Variants in ADAM22 observed in about 807,000 individuals in gnomAD.
ADAM22 encodes the protein disintegrin and metalloproteinase domain-containing protein 22.
ADAM22 carries 65 observed loss-of-function variants against 144.6 expected under a neutral mutation model. That is an observed-to-expected ratio of 0.45 (90% CI 0.37 to 0.55). ADAM22 has a LOEUF of 0.55. ADAM22 is among the 20% of genes least tolerant of loss of function. The pLI, the probability that ADAM22 is intolerant of heterozygous loss-of-function variation, is 0.00. For missense variants in ADAM22, 974 were observed against 1,184.9 expected (o/e 0.82, Z 2.61); for synonymous variants, 391 against 412.6 (o/e 0.95, Z 0.63).
chr7:87,955,013 G>A (rs1169657979), intron 2 of ADAM22, among the ~76,000 whole-genome samples: 1 of 151,974 alleles, frequency 6.6e-6, no homozygotes, highest in East Asian at 1.9e-4. Context: ...TCTCTGTATT[G>A]GTTATTCTAG....
chr7:88,099,116 G>C (rs1822227695), intron 4 of ADAM22, among the ~76,000 whole-genome samples: 1 of 152,202 alleles, frequency 6.6e-6, no homozygotes, highest in African/African-American at 2.4e-5. Context: ...CAGGAAAATG[G>C]AAAAGTGGTA....
chr7:87,967,859 G>C (rs1688901), intron 2 of ADAM22, among the ~76,000 whole-genome samples: 77,633 of 146,918 alleles, frequency 0.53, 20,543 homozygotes, highest in Non-Finnish European at 0.54. Context: ...TTGTGACAAA[G>C]TGTGCCAAGG....
chr7:88,170,806 G>A (rs1454868367), intron 25 of ADAM22, among the ~76,000 whole-genome samples: 1 of 151,934 alleles, frequency 6.6e-6, no homozygotes, highest in East Asian at 1.9e-4. Context: ...TGTCAAGATA[G>A]AAAGTTAGCA....
At chr7:87,968,434 A>G (rs1177803033) in intron 2 of ADAM22, among the ~76,000 whole-genome samples, 1 of 152,194 alleles carries the variant, frequency 6.6e-6, no homozygotes, top group African/African-American at 2.4e-5. Context: ...ACGAATCAGG[A>G]GACTGAGGTA....
chr7:88,191,816 C>T (rs573242403), intron 30 of ADAM22, among the ~76,000 whole-genome samples: 2 of 152,250 alleles, frequency 1.3e-5, no homozygotes, highest in African/African-American at 4.8e-5. Context: ...ATAGGAGTTA[C>T]AGATTAAAAG....
chr7:88,131,598 G>T, intron 11 of ADAM22, 163 bp downstream of exon 11: 4 of 600,050 alleles, frequency 6.7e-6, no homozygotes, highest in South Asian at 2.6e-5. Flanking sequence ...GCTTAAAATT[G>T]CCATGAAAAT....
intron 30 of ADAM22, among the ~76,000 whole-genome samples, chr7:88,190,149 C>T (rs1429033013): frequency 2.0e-5 from 3 of 152,166 alleles, no homozygotes; most frequent in Non-Finnish European, 2.9e-5. Context: ...TTTGATGTAG[C>T]CCCAAGAGGC....
At chr7:87,937,330 A>T (rs540371910) in intron 2 of ADAM22, among the ~76,000 whole-genome samples, 142 of 151,976 alleles carry the variant, frequency 9.3e-4, no homozygotes, top group African/African-American at 3.3e-3. Flanking sequence ...TTCCCCTTGC[A>T]ATTTTTTCAG....
At chr7:87,944,979 A>T (rs1843327371) in intron 2 of ADAM22, among the ~76,000 whole-genome samples, 5 of 121,902 alleles carry the variant, frequency 4.1e-5, no homozygotes, top group African/African-American at 3.6e-5. Flanking sequence ...CTCTTTCTTT[A>T]CCTTCTTGTC....
At chr7:88,110,205 A>G (rs955776767) in intron 5 of ADAM22, among the ~76,000 whole-genome samples, 1 of 152,210 alleles carries the variant, frequency 6.6e-6, no homozygotes, top group Non-Finnish European at 1.5e-5. Context: ...ATTAGGAAAA[A>G]GAAACATTGA....
chr7:88,007,170 A>G (rs1794124626), intron 3 of ADAM22, among the ~76,000 whole-genome samples: 2 of 152,226 alleles, frequency 1.3e-5, no homozygotes, highest in Non-Finnish European at 2.9e-5. Context: ...AGAATGAGAT[A>G]CTTAGGAATC....
At position 88,090,543 on chromosome 7, in the gene ADAM22, T is replaced by C. The variant is rs376760563; in HGVS notation, c.390+14851T>C. 2.0e-5 allele frequency among the ~76,000 whole-genome samples: 3 copies of C among 152,216 alleles called. No homozygotes were observed. The South Asian group carries it at 6.2e-4, about 31-fold the overall frequency. ...AAATGACTTTAAAAATATTTATCAA[T>C]ACATCTTCATACATGAATATTTAGT... On this transcript the variant is annotated intron_variant, in intron 4 of 31. Coordinates refer to ENST00000413139, the MANE Select transcript of ADAM22 (RefSeq NM_001324418.2).
chr7:88,035,493 T>C (rs1054845585), intron 3 of ADAM22, among the ~76,000 whole-genome samples: 2 of 152,216 alleles, frequency 1.3e-5, no homozygotes, highest in Admixed American at 1.3e-4. Context: ...CAATGTATTA[T>C]GTATACAGTT....
chr7:88,134,612 C>G (rs1272728647), intron 13 of ADAM22, among the ~76,000 whole-genome samples, 193 bp downstream of exon 13: 1 of 152,240 alleles, frequency 6.6e-6, no homozygotes, highest in East Asian at 1.9e-4. Context: ...GTGGAAATTT[C>G]TATGACTATA....
chr7:88,195,433 A>G (rs1320004129), intron 31 of ADAM22, among the ~76,000 whole-genome samples: 2 of 152,202 alleles, frequency 1.3e-5, no homozygotes, highest in Non-Finnish European at 2.9e-5. Flanking sequence ...GAGGGACAGA[A>G]TGAATGAAGG....
At chr7:88,196,136 G>T (rs1460346303) in intron 31 of ADAM22, among the ~76,000 whole-genome samples, 1 of 152,134 alleles carries the variant, frequency 6.6e-6, no homozygotes, top group Non-Finnish European at 1.5e-5. Context: ...GAAAGGAAGG[G>T]CATGTGTAGC....
At chr7:88,163,261 A>C (rs1842178417) in intron 23 of ADAM22, 81 bp downstream of exon 23, 8 of 1,179,716 alleles carry the variant, frequency 6.8e-6, no homozygotes, top group Non-Finnish European at 9.0e-6. Context: ...TATTTTTCTT[A>C]ATTATGGAAA....
intron 3 of ADAM22, among the ~76,000 whole-genome samples, chr7:88,068,378 A>C (rs1453278320): frequency 1.3e-5 from 2 of 152,156 alleles, no homozygotes. Context: ...TCATAGTTTA[A>C]AGACCTTATG....
chr7:88,202,357 C>T lies in ADAM22; in HGVS notation c.*5866C>T, dbSNP rs889547529. 5 of 152,136 alleles carry T rather than the reference C, an allele frequency of 3.3e-5. No homozygotes were observed. Among genetic ancestry groups the T allele is most frequent in the Admixed American group, 1.3e-4 (2 of 15,268 alleles). 9.4% of individuals were successfully genotyped at this position (152,136 alleles called of 1,614,324 possible). On this transcript the variant is annotated 3_prime_UTR_variant, in exon 32 of 32. Transcript: ENST00000413139. ...CCCAAAAGACAACTTCTTTCAGAAA[C>T]GGGGTGTTTTACCTAAACATAGTAG...
Sources: allele counts gnomAD v4.1 joint callset (sites outside exome capture counted in the v4.1 genomes callset), GRCh38; gene constraint gnomAD v4.1.1; transcripts MANE v1.5; gene names NCBI Gene and HGNC (gene_info 2026-07-23, HGNC 2026-07-21).